SEMA3A: variants seen among roughly 807,000 people sequenced by gnomAD.
SEMA3A encodes the protein semaphorin-3A.
Under a neutral mutation model 97.9 loss-of-function variants are expected in SEMA3A, and 29 were observed. That is an observed-to-expected ratio of 0.30 (90% confidence interval 0.22 to 0.40). The LOEUF is 0.40. Among genes scored for constraint, SEMA3A ranks in the 10% least tolerant of loss-of-function variants. The pLI, the probability that SEMA3A is intolerant of heterozygous loss-of-function variation, is 1.00. For synonymous variants in SEMA3A, 321 were observed against 323.7 expected (o/e 0.99, Z 0.09); for missense variants, 763 against 951.3 (o/e 0.80, Z 2.60).
chr7:84,192,409 C>G (rs1293647794), intron 1 of SEMA3A, among the ~76,000 whole-genome samples: 2 of 151,844 alleles, frequency 1.3e-5, no homozygotes, highest in African/African-American at 4.8e-5. Flanking sequence ...GTTTATTTTA[C>G]CAAATTATTA....
chr7:84,471,926 G>T (rs559338066), intron 1 of SEMA3A, among the ~76,000 whole-genome samples: 90 of 145,572 alleles, frequency 6.2e-4, no homozygotes, highest in African/African-American at 2.1e-3. Context: ...TGACTTTCAG[G>T]TTTTTTTTTT....
intron 1 of SEMA3A, among the ~76,000 whole-genome samples, chr7:84,158,715 AAATT>A (rs1562820952): frequency 6.6e-6 from 1 of 152,208 alleles, no homozygotes; most frequent in African/African-American, 2.4e-5. Context: ...TGCTCAGAAG[AAATT>A]AATTAAATGA....
At chr7:83,984,143 C>T (rs1789534759) in intron 13 of SEMA3A, among the ~76,000 whole-genome samples, 1 of 151,894 alleles carries the variant, frequency 6.6e-6, no homozygotes, top group African/African-American at 2.4e-5. Context: ...CAAAAATAGA[C>T]GTGGAGTTAG....
chr7:84,264,697 GTAGGGCGAGGGTTTGGAAGGTCTTTAT>G (rs1172933205), intron 3 of SEMA3A, among the ~76,000 whole-genome samples: 1 of 152,138 alleles, frequency 6.6e-6, no homozygotes, highest in Admixed American at 6.5e-5. Context: ...ATTTGGGTGG[GTAGGGCGAGGGTTTGGAAGGTCTTTAT>G]TAGACTGCTT....
rs1242737255 is a variant in SEMA3A at position 84,035,645 on chromosome 7, C to T, written c.667+10679G>A. Among the ~76,000 whole-genome samples, 5 of 151,966 alleles carry T rather than the reference C, an allele frequency of 3.3e-5. No individual in the cohort carries two copies. In the South Asian group the frequency reaches 6.2e-4, roughly 19 times the overall value. ...TATTAATTAATTTATTATCATTTTT[C>T]GTGTGGCTTTTAAAGTGCAGAGACC... On this transcript the variant is annotated intron_variant, in intron 6 of 16. Transcript: ENST00000265362.
rs375965056 is a variant in SEMA3A at position 84,022,003 on chromosome 7, TAGA to T, written c.668-7655_668-7653del. ...AAATTTTATGAATGTTCTTTTTACG[TAGA>T]AGAAGCTGTTCTTTTCTTTGCATTA... On this transcript the variant is annotated intron_variant, in intron 6 of 16. Coordinates refer to ENST00000265362, the MANE Select transcript of SEMA3A (RefSeq NM_006080.3). Among the ~76,000 whole-genome samples, 61 of 152,326 alleles carry T rather than the reference TAGA, an allele frequency of 4.0e-4. 2 individuals are homozygous for T. The East Asian group carries it at 9.1e-3, about 23-fold the overall frequency.
chr7:84,256,881 T>G (rs745309676), intron 3 of SEMA3A, among the ~76,000 whole-genome samples: 1 of 152,132 alleles, frequency 6.6e-6, no homozygotes. Context: ...GACTATCTGA[T>G]GAATTTTCTC....
chr7:84,425,069 A>C (rs1267592851), intron 1 of SEMA3A, among the ~76,000 whole-genome samples: 1 of 105,892 alleles, frequency 9.4e-6, no homozygotes, highest in Non-Finnish European at 1.7e-5. Context: ...TATAATTTAT[A>C]AATATAATTT....
intron 1 of SEMA3A, among the ~76,000 whole-genome samples, chr7:84,161,466 C>T (rs190974307): frequency 2.6e-5 from 4 of 152,284 alleles, no homozygotes; most frequent in South Asian, 2.1e-4. Flanking sequence ...CCCTGACACC[C>T]TCACGGGACA....
At chr7:84,022,002 G>A (rs76125976) in intron 6 of SEMA3A, among the ~76,000 whole-genome samples, 19,973 of 152,006 alleles carry the variant, frequency 0.13, 1,638 homozygotes, top group East Asian at 0.38. Context: ...TTCTTTTTAC[G>A]TAGAAGAAGC....
chr7:84,355,855 G>A (rs1389135773), intron 2 of SEMA3A, among the ~76,000 whole-genome samples: 1 of 151,860 alleles, frequency 6.6e-6, no homozygotes, highest in Admixed American at 6.6e-5. Context: ...GCCTGAGAAT[G>A]TAATTTCTTA....
intron 3 of SEMA3A, among the ~76,000 whole-genome samples, chr7:84,265,587 T>A (rs2115679517): frequency 6.7e-6 from 1 of 149,610 alleles, no homozygotes; most frequent in East Asian, 1.9e-4. Flanking sequence ...ATATATATAT[T>A]TGAGAGCTAT....
chr7:84,422,870 T>C (rs895923861), intron 1 of SEMA3A, among the ~76,000 whole-genome samples: 4 of 152,044 alleles, frequency 2.6e-5, no homozygotes, highest in Non-Finnish European at 5.9e-5. Flanking sequence ...GTAATCCCTA[T>C]AGGGACCAAA....
intron 1 of SEMA3A, among the ~76,000 whole-genome samples, chr7:84,192,084 G>T (rs1443231089): frequency 6.6e-6 from 1 of 151,834 alleles, no homozygotes; most frequent in African/African-American, 2.4e-5. Context: ...GTGGATCTTT[G>T]AAAACAAGTG....
At chr7:84,263,446 C>T (rs930266231) in intron 3 of SEMA3A, among the ~76,000 whole-genome samples, 2 of 152,178 alleles carry the variant, frequency 1.3e-5, no homozygotes, top group African/African-American at 2.4e-5. Flanking sequence ...CTTGTCTTTG[C>T]ATTACTTTTA....
chr7:84,108,546 G>A (rs1016706081), intron 4 of SEMA3A, among the ~76,000 whole-genome samples: 3 of 152,136 alleles, frequency 2.0e-5, no homozygotes, highest in Non-Finnish European at 2.9e-5. Flanking sequence ...CTAGTAAGTT[G>A]TAGAGCAAGA....
chr7:84,053,405 G>C (rs1453336377), intron 5 of SEMA3A, among the ~76,000 whole-genome samples: 22 of 97,806 alleles, frequency 2.2e-4, no homozygotes, highest in African/African-American at 6.4e-4. Flanking sequence ...CCTGTATTGG[G>C]TGCATATATA....
At chr7:84,214,938 T>C (rs1488926445) in intron 3 of SEMA3A, among the ~76,000 whole-genome samples, 3 of 151,326 alleles carry the variant, frequency 2.0e-5, no homozygotes, top group Admixed American at 6.6e-5. Flanking sequence ...TGACCTTAGA[T>C]GATCCGCCCC....
intron 1 of SEMA3A, among the ~76,000 whole-genome samples, chr7:84,424,748 A>C (rs1480136494): frequency 2.0e-5 from 2 of 100,956 alleles, no homozygotes; most frequent in African/African-American, 8.1e-5. Context: ...TTTAGATATC[A>C]ATATATTACA....
Sources: allele counts gnomAD v4.1 joint callset (sites outside exome capture counted in the v4.1 genomes callset), GRCh38; gene constraint gnomAD v4.1.1; transcripts MANE v1.5; gene names NCBI Gene and HGNC (gene_info 2026-07-23, HGNC 2026-07-21).